Variants in LRCH3 observed in about 807,000 individuals in gnomAD.
LRCH3 encodes DISP complex protein LRCH3.
Under a neutral mutation model 104.5 loss-of-function variants are expected in LRCH3, and 68 were observed. The observed-to-expected ratio is 0.65, with a 90% CI of 0.54 to 0.80. The LOEUF is 0.80. Among genes scored for constraint, LRCH3 ranks in the 30% least tolerant of loss-of-function variants. The probability of loss-of-function intolerance (pLI) is 0.00; values close to 1 mark genes in which losing one functional copy is unlikely to be tolerated. For synonymous variants in LRCH3, 344 were observed against 361.3 expected, an observed-to-expected ratio of 0.95 and a Z score of 0.54; for missense variants, 951 against 953.9, an observed-to-expected ratio of 1.00 and a Z score of 0.04.
intron 20 of LRCH3, chr3:197,881,662 T>C: frequency 2.0e-6 from 2 of 985,484 alleles, no homozygotes; most frequent in Non-Finnish European, 2.4e-6. Flanking sequence ...TGCTAGACGT[T>C]AATGCTGGAA....
chr3:197,825,749 G>A (rs1045408812), intron 4 of LRCH3, among the ~76,000 whole-genome samples: 13 of 151,964 alleles, frequency 8.6e-5, no homozygotes, highest in African/African-American at 2.9e-4. Flanking sequence ...AAAGTACTGG[G>A]ATTACAGGCT....
intron 17 of LRCH3, among the ~76,000 whole-genome samples, chr3:197,868,484 G>T (rs76092233): frequency 0.012 from 1,792 of 152,266 alleles, 31 homozygotes; most frequent in African/African-American, 0.038. Flanking sequence ...GGATGACTGT[G>T]TACCCTATGA....
At chr3:197,855,361 A>C (rs1336106495) in intron 14 of LRCH3, among the ~76,000 whole-genome samples, 1 of 152,244 alleles carries the variant, frequency 6.6e-6, no homozygotes, top group Non-Finnish European at 1.5e-5. Context: ...TTGGCCTAAG[A>C]AGCGAATAAT....
At chr3:197,862,530 T>TCTAGTCTATGTCCTGTTAATAAGTG (rs1560590770) in intron 15 of LRCH3, among the ~76,000 whole-genome samples, 5 of 152,226 alleles carry the variant, frequency 3.3e-5, no homozygotes, top group African/African-American at 9.6e-5. Context: ...TTTTTAAATT[T>TCTAGTCTATGTCCTGTTAATAAGTG]TTGAAAATAT....
chr3:197,796,476 T>C (rs1031032489), intron 1 of LRCH3, among the ~76,000 whole-genome samples: 1 of 152,222 alleles, frequency 6.6e-6, no homozygotes, highest in South Asian at 2.1e-4. Context: ...GTACAAATGC[T>C]GATTGAATTT....
At chr3:197,852,178 G>T (rs945030068) in intron 12 of LRCH3, 12 of 193,942 alleles carry the variant, frequency 6.2e-5, no homozygotes, top group Non-Finnish European at 1.1e-4. Flanking sequence ...GGGACATTGT[G>T]AGTTTGTTTT....
At chr3:197,797,861 AAAAAAAAAAAAACAAAAAAAAC>A (rs1191462839) in intron 1 of LRCH3, among the ~76,000 whole-genome samples, 305 of 29,540 alleles carry the variant, frequency 0.01, 3 homozygotes, top group Non-Finnish European at 0.023. Context: ...CTCCATCTCA[AAAAAAAAAAAAACAAAAAAAAC>A]AAAAAAAAAA....
Position 197,855,884 on chromosome 3 carries a change from CTG to C in LRCH3, c.1644+1442_1644+1443del, listed in dbSNP as rs1349612402. Among the ~76,000 whole-genome samples the C allele has an allele frequency of 2.6e-5, 4 of 152,220 alleles. No individual in the cohort carries two copies. In the East Asian group the frequency reaches 7.7e-4, roughly 29 times the overall value. ...TCTGCCAAATAGTGTCCAACCAACA[CTG>C]TGCAAAAAGAGTCGTATTTTAAATA... On this transcript the variant is annotated intron_variant, in intron 14 of 20. Coordinates refer to ENST00000425562, the MANE Select transcript of LRCH3 (RefSeq NM_001365715.1).
chr3:197,832,116 T>TC, intron 7 of LRCH3, 81 bp from the exon 8 acceptor site: 2 of 1,417,976 alleles, frequency 1.4e-6, no homozygotes, highest in Non-Finnish European at 1.9e-6. Context: ...CCTGCTTTGG[T>TC]CTCCCAAAGC....
intron 1 of LRCH3, among the ~76,000 whole-genome samples, chr3:197,808,192 A>G (rs1352036219): frequency 2.0e-5 from 3 of 152,164 alleles, no homozygotes; most frequent in African/African-American, 7.2e-5. Context: ...CTGTGAGAGG[A>G]GATTAGGACA....
In LRCH3 at chr3:197,829,683, T is replaced by G. The variant is rs1735669967; in HGVS notation, c.887+10T>G. The G allele has an allele frequency of 1.3e-6, 2 of 1,539,472 alleles. No homozygotes were observed. The highest frequency in any genetic ancestry group is 2.8e-5 in the African/African-American group (2 of 72,554). ...TGGGTTTTGGCTCCTGGTAAGTATATTCTGTCCCTTTATCTATCATATTTT... is the reference window on the plus strand; with the variant it reads ...TGGGTTTTGGCTCCTGGTAAGTATAGTCTGTCCCTTTATCTATCATATTTT... On this transcript the variant is annotated intron_variant, in intron 6 of 20. Coordinates refer to ENST00000425562, the MANE Select transcript of LRCH3 (RefSeq NM_001365715.1).
intron 20 of LRCH3, chr3:197,881,830 G>A: frequency 2.0e-6 from 2 of 985,372 alleles, no homozygotes; most frequent in Non-Finnish European, 2.4e-6. Context: ...GCCTGAGGGA[G>A]GAGCATAACA....
intron 1 of LRCH3, among the ~76,000 whole-genome samples, chr3:197,803,554 A>C (rs1732132637): frequency 6.6e-6 from 1 of 151,986 alleles, no homozygotes; most frequent in African/African-American, 2.4e-5. Flanking sequence ...AATCCCAGCT[A>C]CTTGGGAGGC....
intron 20 of LRCH3, among the ~76,000 whole-genome samples, chr3:197,877,656 A>C (rs1713055035): frequency 6.6e-6 from 1 of 152,240 alleles, no homozygotes. Flanking sequence ...TGAAAGAGAG[A>C]GCGCCCAGCT....
Position 197,854,361 on chromosome 3 carries a change from G to A in LRCH3, c.1591-31G>A, listed in dbSNP as rs750568231. On this transcript the variant is annotated intron_variant, in intron 13 of 20. Coordinates refer to ENST00000425562, the MANE Select transcript of LRCH3 (RefSeq NM_001365715.1). The surrounding 1 kb of genome is among the most constrained non-coding windows in gnomAD (Gnocchi z 4.5). ...TCACACGTGTGCGTAGTTTGTTTCTGACATGGCTTCATTTTTCTCCATCTC... is the reference window on the plus strand; with the variant it reads ...TCACACGTGTGCGTAGTTTGTTTCTAACATGGCTTCATTTTTCTCCATCTC... 1 of 1,605,532 alleles carries A rather than the reference G, an allele frequency of 6.2e-7. No homozygotes were observed. Among genetic ancestry groups the A allele is most frequent in the East Asian group, 2.2e-5 (1 of 44,834 alleles).
rs1209319764 is a variant in LRCH3 at position 197,835,893 on chromosome 3, TTGTTA to T, written c.1251+73_1251+77del. On this transcript the variant is annotated intron_variant, in intron 9 of 20. Transcript: ENST00000425562. ...AAATAATTCATAATAGTATAAAGTT[TTGTTA>T]TATCAGTGATTTGTTGACTGAAGCC... The T allele has an allele frequency of 1.7e-5, 25 of 1,498,408 alleles. No individual in the cohort carries two copies. In the African/African-American group the frequency reaches 2.8e-4, roughly 17 times the overall value. The allele number at this position is 1,498,408 out of a possible 1,614,324, so 92.8% of individuals were successfully genotyped here. A position where few individuals can be genotyped will look rare whatever the true frequency, so the allele number is the denominator to read the frequency against.
In LRCH3 at chr3:197,883,197, T is replaced by G. The variant is rs906450896; in HGVS notation, c.2209-344T>G. ...TTTTTCTATTTTTCACCTGCCTATT[T>G]TATAGACCTGTATTGACCTTTTATT... On this transcript the variant is annotated intron_variant, in intron 20 of 20. Coordinates refer to ENST00000425562, the MANE Select transcript of LRCH3 (RefSeq NM_001365715.1). The surrounding 1 kb of genome is among the most constrained non-coding windows in gnomAD (Gnocchi z 4.2). 27 of 998,484 alleles carry G rather than the reference T, an allele frequency of 2.7e-5. No homozygotes were observed. The highest frequency in any genetic ancestry group is 5.1e-4 in the Middle Eastern group (1 of 1,974). The allele number at this position is 998,484 out of a possible 1,614,324, so 61.9% of individuals were successfully genotyped here.
intron 3 of LRCH3, among the ~76,000 whole-genome samples, chr3:197,818,370 T>C (rs1264922893): frequency 1.3e-5 from 2 of 152,224 alleles, no homozygotes; most frequent in African/African-American, 4.8e-5. Flanking sequence ...CTTTCTGAAG[T>C]GGTCAAATAC....
intron 20 of LRCH3, chr3:197,882,359 T>C: frequency 1.0e-6 from 1 of 985,166 alleles, no homozygotes; most frequent in Non-Finnish European, 1.2e-6. Context: ...AGTTGCTAGT[T>C]TTTTTAGATC....
Sources: gnomAD v4.1 joint callset for allele counts (sites outside exome capture counted in the v4.1 genomes callset) on GRCh38, gnomAD v4.1.1 for gene constraint, Gnocchi (gnomAD v3.1) non-coding constraint, MANE v1.5 for transcripts, NCBI Gene and HGNC (gene_info 2026-07-23, HGNC 2026-07-21) for gene names.